The following CTNNA3 variants were observed in gnomAD, a reference collection of about 807,000 sequenced individuals.
CTNNA3 encodes catenin alpha-3.
A neutral mutation model predicts 95.7 loss-of-function variants in CTNNA3; 76 were observed. The ratio of observed to expected loss-of-function variants is 0.79; its 90% CI spans 0.66 to 0.96. The LOEUF (loss-of-function observed/expected upper bound fraction) is 0.96. Ranked by LOEUF, CTNNA3 falls within the 40% of genes least tolerant of loss-of-function variation. CTNNA3 has a pLI of 0.00. For synonymous variants in CTNNA3, 431 were observed against 374.4 expected, an observed-to-expected ratio of 1.15 and a Z score of -1.74; for missense variants, 1,191 against 1,089.8, an observed-to-expected ratio of 1.09 and a Z score of -1.31.
intron 7 of CTNNA3, among the ~76,000 whole-genome samples, chr10:66,803,694 C>A (rs760225587): frequency 1.2e-4 from 19 of 152,048 alleles, no homozygotes; most frequent in Non-Finnish European, 2.1e-4. Context: ...AGATGAGCAA[C>A]TGAAGCATAG....
intron 7 of CTNNA3, among the ~76,000 whole-genome samples, chr10:67,009,882 A>C (rs757001176): frequency 3.9e-5 from 6 of 152,100 alleles, no homozygotes; most frequent in Admixed American, 3.3e-4. Context: ...GTTTGTACGT[A>C]CTGTCTCTTC....
chr10:66,199,791 ATATATATATATATATTTTTTTT>A (rs1213648954), intron 13 of CTNNA3, among the ~76,000 whole-genome samples: 1 of 12,342 alleles, frequency 8.1e-5, no homozygotes, highest in Non-Finnish European at 1.5e-4. Flanking sequence ...ATATATATAT[ATATATATATATATATTTTTTTT>A]TTTTTTTTTT....
intron 5 of CTNNA3, among the ~76,000 whole-genome samples, chr10:67,361,490 C>T (rs1842989561): frequency 6.6e-6 from 1 of 152,142 alleles, no homozygotes; most frequent in Non-Finnish European, 1.5e-5. Context: ...CACACAATTA[C>T]ATTAAAATTA....
chr10:66,849,733 A>C (rs1347848650), intron 7 of CTNNA3, among the ~76,000 whole-genome samples: 2 of 152,112 alleles, frequency 1.3e-5, no homozygotes, highest in African/African-American at 4.8e-5. Flanking sequence ...CTGTCAGAAG[A>C]AGCATGGTCC....
intron 2 of CTNNA3, among the ~76,000 whole-genome samples, chr10:67,609,203 TGAGA>T (rs1489821638): frequency 5.3e-5 from 8 of 151,132 alleles, no homozygotes; most frequent in Non-Finnish European, 1.0e-4. Context: ...CGTAGAGGAA[TGAGA>T]GAAAGGAAAA....
chr10:66,547,826 G>A (rs907506848), intron 10 of CTNNA3, among the ~76,000 whole-genome samples: 2 of 151,870 alleles, frequency 1.3e-5, no homozygotes, highest in African/African-American at 4.8e-5. Flanking sequence ...TATAGATTTC[G>A]GTCTTCACAC....
chr10:67,382,927 C>A lies in CTNNA3; in HGVS notation c.579+138915G>T, dbSNP rs774613518. Among the ~76,000 whole-genome samples the A allele has an allele frequency of 8.5e-5, 13 of 152,098 alleles. 1 individual carries two copies. The highest frequency in any genetic ancestry group is 1.5e-4 in the Non-Finnish European group (10 of 68,016). ...TCATTATCACAAAGACTGTATCAAG[C>A]CATTCATGAGTGATCAGTCCCCAAG... On this transcript the variant is annotated intron_variant, in intron 5 of 17. Transcript: ENST00000433211.
At chr10:67,686,517 A>G (rs568307780) in intron 1 of CTNNA3, among the ~76,000 whole-genome samples, 1 of 152,284 alleles carries the variant, frequency 6.6e-6, no homozygotes, top group African/African-American at 2.4e-5. Context: ...CTGGTCCCTC[A>G]AGGAGTAGCG....
intron 16 of CTNNA3, among the ~76,000 whole-genome samples, chr10:65,983,483 A>G (rs1235158704): frequency 6.6e-6 from 1 of 151,534 alleles, no homozygotes; most frequent in Admixed American, 6.6e-5. Flanking sequence ...GTACAGAAAT[A>G]GAAAAAAATA....
intron 7 of CTNNA3, among the ~76,000 whole-genome samples, chr10:66,900,078 G>C (rs1475924160): frequency 6.6e-6 from 1 of 152,132 alleles, no homozygotes; most frequent in Non-Finnish European, 1.5e-5. Context: ...TAGCCTGACT[G>C]GGAGGCACCT....
chr10:66,197,775 G>A lies in CTNNA3; in HGVS notation c.1884+82695C>T, dbSNP rs1171905901. Among the ~76,000 whole-genome samples the A allele has an allele frequency of 4.6e-5, 7 of 152,206 alleles. No homozygotes were observed. The East Asian group carries it at 1.2e-3, about 25-fold the overall frequency. On this transcript the variant is annotated intron_variant, in intron 13 of 17. Transcript: ENST00000433211. ...ATAAAAGCAAGACTAGTAAAGGCCA[G>A]CTGTTTTATGGTGCGCTGTTCTTCC...
chr10:66,810,597 T>G (rs1383456142), intron 7 of CTNNA3, among the ~76,000 whole-genome samples: 1 of 152,126 alleles, frequency 6.6e-6, no homozygotes, highest in Non-Finnish European at 1.5e-5. Flanking sequence ...CCACATCCCC[T>G]AAAATAACTC....
intron 13 of CTNNA3, among the ~76,000 whole-genome samples, chr10:66,157,416 GGT>G (rs2084572795): frequency 6.9e-6 from 1 of 145,158 alleles, no homozygotes; most frequent in Non-Finnish European, 1.5e-5. Flanking sequence ...TAGATAGGTA[GGT>G]AGGTAGGTAG....
intron 14 of CTNNA3, among the ~76,000 whole-genome samples, chr10:66,086,465 G>GCATGGGATTT (rs1324558329): frequency 6.6e-6 from 1 of 152,046 alleles, no homozygotes. Context: ...AGGTTCTTAA[G>GCATGGGATTT]CATGGGCTTT....
At chr10:66,276,634 T>C (rs918744026) in intron 13 of CTNNA3, among the ~76,000 whole-genome samples, 3 of 152,140 alleles carry the variant, frequency 2.0e-5, no homozygotes, top group Non-Finnish European at 2.9e-5. Context: ...TCCTCTTATT[T>C]AAACATTGCC....
chr10:66,160,322 G>T (rs902934192), intron 13 of CTNNA3, among the ~76,000 whole-genome samples: 4 of 151,962 alleles, frequency 2.6e-5, no homozygotes, highest in African/African-American at 9.7e-5. Flanking sequence ...TTAGGGCTAT[G>T]AACTTTCCTT....
chr10:66,900,231 G>A (rs745398862), intron 7 of CTNNA3, among the ~76,000 whole-genome samples: 1 of 152,092 alleles, frequency 6.6e-6, no homozygotes, highest in Non-Finnish European at 1.5e-5. Context: ...AGGCAAAAGG[G>A]GCTGGAGTGG....
At chr10:67,702,694 A>C (rs868177026) in intron 1 of CTNNA3, among the ~76,000 whole-genome samples, 6 of 152,232 alleles carry the variant, frequency 3.9e-5, no homozygotes, top group East Asian at 3.9e-4. Flanking sequence ...AAAATTGACA[A>C]CCTAACATCA....
chr10:66,668,422 A>ATGTGTG (rs3055580), intron 9 of CTNNA3, among the ~76,000 whole-genome samples: 3,870 of 146,948 alleles, frequency 0.026, 82 homozygotes, highest in South Asian at 0.084. Context: ...CAACTCTCAT[A>ATGTGTG]TGTGTGTGTG....
Sources: allele counts gnomAD v4.1 joint callset (sites outside exome capture counted in the v4.1 genomes callset), GRCh38; gene constraint gnomAD v4.1.1; transcripts MANE v1.5; gene names NCBI Gene and HGNC (gene_info 2026-07-23, HGNC 2026-07-21).